Variants in HTR2C observed in about 807,000 individuals in gnomAD.
HTR2C encodes 5-hydroxytryptamine receptor 2C.
HTR2C carries 5 observed loss-of-function variants against 21.0 expected under a neutral mutation model. That is an observed-to-expected ratio of 0.24 (90% CI 0.12 to 0.50). The LOEUF is 0.50. HTR2C is among the 20% of genes least tolerant of loss of function. The pLI, the probability that HTR2C is intolerant of heterozygous loss-of-function variation, is 0.98. For missense variants in HTR2C, 271 were observed against 371.2 expected (o/e 0.73, Z 2.22); for synonymous variants, 150 against 145.3 (o/e 1.03, Z -0.23).
chrX:114,718,938 TA>T (rs1232489728), intron 2 of HTR2C, among the ~76,000 whole-genome samples: 1 of 98,781 alleles, frequency 1.0e-5, no homozygotes, highest in African/African-American at 3.8e-5. Context: ...ATATATAATA[TA>T]ATATAAATTA....
chrX:114,829,820 C>T (rs1010328141), intron 4 of HTR2C, among the ~76,000 whole-genome samples: 12 of 111,485 alleles, frequency 1.1e-4, no homozygotes, highest in African/African-American at 3.2e-4. Context: ...CCTCTCAATC[C>T]TATTCTATTA....
rs782694614 is a variant in HTR2C at position 114,890,069 on chromosome X, C to A, written c.551-16520C>A. The stretch of plus-strand genomic sequence containing the variant: ...TACTCTAACATTTTCACAGATGCCA[C>A]TCTCTGCTTTTTCTTGTTTTAAATA... On this transcript the variant is annotated intron_variant, in intron 5 of 5. Transcript: ENST00000276198. Among the ~76,000 whole-genome samples the A allele has an allele frequency of 5.4e-5, 6 of 112,000 alleles. No individual in the cohort carries two copies. The South Asian group carries it at 2.2e-3, about 41-fold the overall frequency.
chrX:114,597,816 T>C (rs1927926059), intron 1 of HTR2C, among the ~76,000 whole-genome samples: 1 of 111,984 alleles, frequency 8.9e-6, no homozygotes, highest in African/African-American at 3.2e-5. Flanking sequence ...GAGAAGGTTG[T>C]AGAGAGAAAA....
chrX:114,648,467 T>C (rs782568086), intron 2 of HTR2C, among the ~76,000 whole-genome samples: 1 of 111,689 alleles, frequency 9.0e-6, no homozygotes, highest in East Asian at 2.8e-4. Context: ...GTGACTCACC[T>C]CTGTAATCCC....
At chrX:114,898,333 C>T (rs2071312128) in intron 5 of HTR2C, among the ~76,000 whole-genome samples, 1 of 112,043 alleles carries the variant, frequency 8.9e-6, no homozygotes, top group African/African-American at 3.2e-5. Context: ...GATTTTCTCC[C>T]ATTTTATAGG....
chrX:114,847,016 C>A (rs781838074), intron 4 of HTR2C, among the ~76,000 whole-genome samples: 1 of 110,867 alleles, frequency 9.0e-6, no homozygotes, highest in Admixed American at 9.6e-5. Flanking sequence ...GAAAACAATT[C>A]TATTTACAAC....
At chrX:114,726,381 C>T (rs1000890277) in intron 2 of HTR2C, among the ~76,000 whole-genome samples, 44 of 112,184 alleles carry the variant, frequency 3.9e-4, no homozygotes, top group East Asian at 8.5e-4. Context: ...GGCTCGCGCA[C>T]GGTGCGTGCA....
chrX:114,899,820 T>C, intron 5 of HTR2C, among the ~76,000 whole-genome samples: 1 of 111,611 alleles, frequency 9.0e-6, no homozygotes, highest in African/African-American at 3.3e-5. Flanking sequence ...ATCAACCATC[T>C]TGGTCCCCTT....
intron 2 of HTR2C, among the ~76,000 whole-genome samples, chrX:114,673,429 T>C (rs1931449599): frequency 9.0e-6 from 1 of 111,611 alleles, no homozygotes; most frequent in African/African-American, 3.2e-5. Context: ...TTTCCTTCCC[T>C]ATAAACTTTC....
intron 5 of HTR2C, among the ~76,000 whole-genome samples, chrX:114,888,887 T>C (rs2071239897): frequency 1.8e-5 from 2 of 111,945 alleles, no homozygotes; most frequent in African/African-American, 6.5e-5. Context: ...ATATACCACA[T>C]ATTTACCTTC....
At chrX:114,644,119 G>A (rs1048727628) in intron 2 of HTR2C, among the ~76,000 whole-genome samples, 8 of 107,550 alleles carry the variant, frequency 7.4e-5, no homozygotes, top group Non-Finnish European at 1.5e-4. Context: ...GAGGCAGGCG[G>A]GTCACTTGAG....
chrX:114,745,920 A>G (rs1419434477), intron 4 of HTR2C, among the ~76,000 whole-genome samples: 3 of 112,006 alleles, frequency 2.7e-5, no homozygotes, highest in Non-Finnish European at 5.6e-5. Flanking sequence ...ACTATAGTCA[A>G]TAAAAACTTA....
chrX:114,840,694 A>G (rs1251155930), intron 4 of HTR2C, among the ~76,000 whole-genome samples: 2 of 111,963 alleles, frequency 1.8e-5, no homozygotes, highest in East Asian at 5.6e-4. Flanking sequence ...ACCAAGCATC[A>G]TAAGTATAAA....
intron 4 of HTR2C, among the ~76,000 whole-genome samples, chrX:114,797,258 C>T (rs2070302224): frequency 9.0e-6 from 1 of 111,097 alleles, no homozygotes. Context: ...AAAATAGTAT[C>T]CTGTTCTGGT....
chrX:114,906,472 C>T, intron 5 of HTR2C, 117 bp from the exon 6 acceptor site: 1 of 509,115 alleles, frequency 2.0e-6, no homozygotes, highest in Non-Finnish European at 3.3e-6. Context: ...GAATAGCTTT[C>T]AACAAATATC....
chrX:114,870,599 T>C (rs1556476213), intron 5 of HTR2C, among the ~76,000 whole-genome samples: 1 of 111,314 alleles, frequency 9.0e-6, no homozygotes, highest in Non-Finnish European at 1.9e-5. Flanking sequence ...TTGATCTTGC[T>C]ATTTTTATGG....
At chrX:114,886,610 A>G (rs1176142204) in intron 5 of HTR2C, among the ~76,000 whole-genome samples, 4 of 111,032 alleles carry the variant, frequency 3.6e-5, no homozygotes, top group Non-Finnish European at 7.6e-5. Flanking sequence ...CATTACTCCT[A>G]TGTAACTCTA....
chrX:114,804,912 C>A (rs1406726413), intron 4 of HTR2C, among the ~76,000 whole-genome samples: 7 of 111,763 alleles, frequency 6.3e-5, no homozygotes, highest in African/African-American at 9.7e-5. Flanking sequence ...CAGGCTTTTT[C>A]CAGACTTTCC....
At chrX:114,681,982 A>T (rs1931761875) in intron 2 of HTR2C, among the ~76,000 whole-genome samples, 1 of 111,392 alleles carries the variant, frequency 9.0e-6, no homozygotes, top group South Asian at 3.8e-4. Context: ...GAACACATGG[A>T]TTCCTTATTT....
Sources: allele counts gnomAD v4.1 joint callset (sites outside exome capture counted in the v4.1 genomes callset), GRCh38; gene constraint gnomAD v4.1.1; transcripts MANE v1.5; gene names NCBI Gene and HGNC (gene_info 2026-07-23, HGNC 2026-07-21).